NCOA6: variants seen among roughly 807,000 people sequenced by gnomAD.
NCOA6 encodes nuclear receptor coactivator 6.
In NCOA6, 49 loss-of-function variants were observed where a neutral mutation model predicts 171.4. The ratio of observed to expected loss-of-function variants is 0.29; its 90% confidence interval spans 0.23 to 0.36. The LOEUF is 0.36. Among genes scored for constraint, NCOA6 ranks in the 10% least tolerant of loss-of-function variants. The pLI, the probability that NCOA6 is intolerant of heterozygous loss-of-function variation, is 1.00. For missense variants in NCOA6, 2,248 were observed against 2,554.5 expected (o/e 0.88, Z 2.59); for synonymous variants, 910 against 927.5 (o/e 0.98, Z 0.34).
chr20:34,792,047 T>G (rs1202943237), intron 2 of NCOA6, among the ~76,000 whole-genome samples: 1 of 152,176 alleles, frequency 6.6e-6, no homozygotes, highest in Non-Finnish European at 1.5e-5. Flanking sequence ...GGGCTTTAGC[T>G]CACCTCAGAT....
chr20:34,719,005 A>G (rs957742800), intron 14 of NCOA6, among the ~76,000 whole-genome samples: 8 of 152,384 alleles, frequency 5.2e-5, no homozygotes, highest in Admixed American at 3.9e-4. Context: ...TTCAAACTCT[A>G]GCAGTGTAGT....
At chr20:34,736,806 A>G (rs753887198) in intron 11 of NCOA6, 48 bp from the exon 12 acceptor site, 40 of 1,514,680 alleles carry the variant, frequency 2.6e-5, no homozygotes, top group Middle Eastern at 1.7e-4. Context: ...TCTTTTCTAA[A>G]CAAAAAGAAA....
chr20:34,791,490 C>G (rs2077882892), intron 2 of NCOA6, among the ~76,000 whole-genome samples: 1 of 152,146 alleles, frequency 6.6e-6, no homozygotes, highest in Non-Finnish European at 1.5e-5. Context: ...CTCCTAGGAT[C>G]TGGGAGTGAA....
chr20:34,721,238 CAAAAAAAA>C (rs10531679), intron 14 of NCOA6, among the ~76,000 whole-genome samples: 3 of 66,046 alleles, frequency 4.5e-5, no homozygotes, highest in Admixed American at 1.8e-4. Flanking sequence ...TTCCTCTATA[CAAAAAAAA>C]AAAAAAAAAA....
At chr20:34,773,123 T>C (rs929224606) in intron 4 of NCOA6, among the ~76,000 whole-genome samples, 4 of 152,160 alleles carry the variant, frequency 2.6e-5, no homozygotes, top group African/African-American at 9.7e-5. Flanking sequence ...TCCTGCCATG[T>C]TTACTTGTTT....
At chr20:34,735,425 C>CA (rs2075922030) in intron 12 of NCOA6, among the ~76,000 whole-genome samples, 1 of 152,046 alleles carries the variant, frequency 6.6e-6, no homozygotes, top group African/African-American at 2.4e-5. Context: ...GCAGGTGGAT[C>CA]ATGAGGTCAG....
intron 4 of NCOA6, among the ~76,000 whole-genome samples, chr20:34,771,281 G>A (rs565423840): frequency 8.6e-5 from 13 of 152,010 alleles, no homozygotes; most frequent in African/African-American, 2.4e-4. Flanking sequence ...CAACATGCCT[G>A]GCTAATTTTT....
chr20:34,800,810 C>G (rs1053270444), intron 1 of NCOA6, among the ~76,000 whole-genome samples: 1 of 152,060 alleles, frequency 6.6e-6, no homozygotes, highest in Non-Finnish European at 1.5e-5. Context: ...ATGATCTAGA[C>G]AGAAAATCAA....
chr20:34,734,975 G>A (rs529162141), intron 12 of NCOA6, among the ~76,000 whole-genome samples: 1 of 152,276 alleles, frequency 6.6e-6, no homozygotes, highest in Admixed American at 6.5e-5. Flanking sequence ...ACAAGAAAAA[G>A]TTTGATGCTT....
At chr20:34,715,561 G>T (rs553302271) in intron 14 of NCOA6, among the ~76,000 whole-genome samples, 196 bp from the exon 15 acceptor site, 1 of 152,270 alleles carries the variant, frequency 6.6e-6, no homozygotes, top group South Asian at 2.1e-4. Flanking sequence ...TCCTGCATTG[G>T]GCAGAATTGG....
intron 1 of NCOA6, among the ~76,000 whole-genome samples, chr20:34,797,031 T>C (rs1294279464): frequency 2.0e-5 from 3 of 152,308 alleles, no homozygotes; most frequent in African/African-American, 7.2e-5. Flanking sequence ...ATCTCAGATA[T>C]GCAACAACAA....
At chr20:34,811,785 G>C (rs577658395) in intron 1 of NCOA6, among the ~76,000 whole-genome samples, 2 of 152,274 alleles carry the variant, frequency 1.3e-5, no homozygotes, top group Admixed American at 1.3e-4. Context: ...AAAAAATTAA[G>C]TTGGCCTTGT....
At chr20:34,766,038 C>A (rs552814129) in intron 5 of NCOA6, among the ~76,000 whole-genome samples, 1 of 152,236 alleles carries the variant, frequency 6.6e-6, no homozygotes, top group South Asian at 2.1e-4. Flanking sequence ...GTCTCTTTCC[C>A]TAGAAAAATT....
intron 1 of NCOA6, among the ~76,000 whole-genome samples, chr20:34,817,011 T>G (rs1003355396): frequency 1.8e-4 from 27 of 150,766 alleles, no homozygotes; most frequent in Admixed American, 1.0e-3. Flanking sequence ...TAGTCCCAGC[T>G]ACTCAGGAGG....
At chr20:34,748,994 T>C (rs901905378) in intron 9 of NCOA6, among the ~76,000 whole-genome samples, 1 of 152,192 alleles carries the variant, frequency 6.6e-6, no homozygotes, top group African/African-American at 2.4e-5. Flanking sequence ...AATTAAGAGA[T>C]ATACCAGCCA....
intron 10 of NCOA6, among the ~76,000 whole-genome samples, chr20:34,743,603 C>T (rs550502383): frequency 6.6e-6 from 1 of 152,242 alleles, no homozygotes; most frequent in African/African-American, 2.4e-5. Flanking sequence ...CATGACTGTA[C>T]TAAGAGCCTG....
intron 1 of NCOA6, chr20:34,820,434 T>C (rs2146765847): frequency 6.6e-6 from 1 of 151,392 alleles, no homozygotes; most frequent in African/African-American, 2.4e-5. Context: ...GATACTAAAA[T>C]TCAGAACTTT....
Position 34,750,468 on chromosome 20 carries a change from G to A in NCOA6, c.1727C>T (p.Pro576Leu), listed in dbSNP as rs370768185. Residue 576 changes from proline to leucine, a missense_variant, in exon 9 of 15, where the codon CCG becomes CTG. Transcript: ENST00000359003. ...GAGGCTGGGCTGCATCATATTTGGC[G>A]GCCCGTGGGACACCTGCATCTGGTT... is the stretch of plus-strand genomic sequence containing the variant. Reference protein sequence around the residue: ...PQNQMQVSHGPPNMMQPSLMG... With the variant: ...PQNQMQVSHGLPNMMQPSLMG... 5.6e-5 allele frequency: 91 copies of A among 1,613,176 alleles called. No homozygotes were observed. Among genetic ancestry groups the A allele is most frequent in the Non-Finnish European group, 7.2e-5 (85 of 1,179,572 alleles).
At chr20:34,746,676 G>C in intron 10 of NCOA6, 131 bp downstream of exon 10, 1 of 1,094,228 alleles carries the variant, frequency 9.1e-7, no homozygotes, top group Non-Finnish European at 1.2e-6. Flanking sequence ...CCAAATACCA[G>C]ACACATTAAA....
Sources: gnomAD v4.1 joint callset for allele counts (sites outside exome capture counted in the v4.1 genomes callset) on GRCh38, gnomAD v4.1.1 for gene constraint, MANE v1.5 for transcripts, NCBI Gene and HGNC (gene_info 2026-07-23, HGNC 2026-07-21) for gene names.